OVOL2: variants seen among roughly 807,000 people sequenced by gnomAD.
The protein encoded by OVOL2 is ovo like zinc finger 2, also known as transcription factor Ovo-like 2.
In OVOL2, 13 loss-of-function variants were observed where a neutral mutation model predicts 18.1. That is an observed-to-expected ratio of 0.72 (90% CI 0.47 to 1.14). The LOEUF (loss-of-function observed/expected upper bound fraction) is 1.14, where lower values mean the gene tolerates loss of function less well. OVOL2 is among the 50% of genes most tolerant of loss of function. The pLI, the probability that OVOL2 is intolerant of heterozygous loss-of-function variation, is 0.00. For synonymous variants in OVOL2, 166 were observed against 162.7 expected, an observed-to-expected ratio of 1.02 and a Z score of -0.16; for missense variants, 335 against 383.0, an observed-to-expected ratio of 0.87 and a Z score of 1.05.
chr20:18,057,777 G>T lies in OVOL2; in HGVS notation c.-143C>A. On this transcript the variant is annotated 5_prime_UTR_variant, in exon 1 of 4. Coordinates refer to ENST00000278780, the MANE Select transcript of OVOL2 (RefSeq NM_021220.4). This position sits in a 1 kb window ranked among gnomAD's most constrained non-coding sequence, Gnocchi z 6.3. ...GCCCTCTTCCTCCACCCCCCGCCGCGGCGCGGCCCAGGCCTCTCCCCCGCA... is the reference window on the plus strand; with the variant it reads ...GCCCTCTTCCTCCACCCCCCGCCGCTGCGCGGCCCAGGCCTCTCCCCCGCA... 3.6e-6 allele frequency: 5 copies of T among 1,406,186 alleles called. No homozygotes were observed. Among genetic ancestry groups the T allele is most frequent in the Non-Finnish European group, 4.6e-6 (5 of 1,088,504 alleles). 87.1% of individuals were successfully genotyped at this position (1,406,186 alleles called of 1,614,324 possible).
rs2281543 is a variant in OVOL2 at position 18,024,956 on chromosome 20, A to C, written c.512-4T>G. ...TTGCATTTGTAGGGACGAATGCCTG[A>C]AAGGATGAGGGACAGACACAGCATC... On this transcript the variant is annotated splice_region_variant and splice_polypyrimidine_tract_variant and intron_variant, in intron 3 of 3. Coordinates refer to ENST00000278780, the MANE Select transcript of OVOL2 (RefSeq NM_021220.4). The C allele has an allele frequency of 0.64, 1,021,670 of 1,605,338 alleles. 325,933 individuals carry two copies. Among genetic ancestry groups the C allele is most frequent in the East Asian group, 0.72 (32,242 of 44,638 alleles).
upstream of OVOL2, chr20:18,057,919 G>T: frequency 7.9e-7 from 1 of 1,273,482 alleles, no homozygotes; most frequent in Non-Finnish European, 9.9e-7. This position sits in a 1 kb window ranked among gnomAD's most constrained non-coding sequence, Gnocchi z 6.3. Flanking sequence ...GGAAACTTGG[G>T]ACTGAGCATG....
intron 3 of OVOL2, among the ~76,000 whole-genome samples, chr20:18,036,096 C>A (rs147617102): frequency 0.011 from 1,627 of 152,070 alleles, 28 homozygotes; most frequent in African/African-American, 0.037. Flanking sequence ...GAGTTCGAAA[C>A]CAGCCTGACC....
chr20:18,056,577 G>T lies in OVOL2; in HGVS notation c.321+80C>A. 4 of 1,269,128 alleles carry T rather than the reference G, an allele frequency of 3.2e-6. No homozygotes were observed. Among genetic ancestry groups the T allele is most frequent in the Non-Finnish European group, 4.0e-6 (4 of 1,005,742 alleles). 78.6% of individuals were successfully genotyped at this position (1,269,128 alleles called of 1,614,324 possible). A position where few individuals can be genotyped will look rare whatever the true frequency, so the allele number is the denominator to read the frequency against. ...GGTGCCGGGTTGCGCAGGCGGGCGCGGCAGGGAGGGGCGCCGGCCTCGGGA... is the reference window on the plus strand; with the variant it reads ...GGTGCCGGGTTGCGCAGGCGGGCGCTGCAGGGAGGGGCGCCGGCCTCGGGA... On this transcript the variant is annotated intron_variant, in intron 2 of 3. Coordinates refer to ENST00000278780, the MANE Select transcript of OVOL2 (RefSeq NM_021220.4). This position sits in a 1 kb window ranked among gnomAD's most constrained non-coding sequence, Gnocchi z 4.2.
At chr20:18,030,254 A>C (rs6080944) in intron 3 of OVOL2, among the ~76,000 whole-genome samples, 50,422 of 152,156 alleles carry the variant, frequency 0.33, 8,854 homozygotes, top group South Asian at 0.43. Context: ...GCTGGCTCCC[A>C]CTACCCAGTA....
intron 2 of OVOL2, among the ~76,000 whole-genome samples, chr20:18,050,192 G>A (rs1464848097): frequency 1.3e-5 from 2 of 152,314 alleles, no homozygotes; most frequent in African/African-American, 2.4e-5. Context: ...TGAAAACTAC[G>A]CTTCCCTGAC....
chr20:18,033,225 T>C (rs1442034485), intron 3 of OVOL2, among the ~76,000 whole-genome samples: 2 of 152,186 alleles, frequency 1.3e-5, no homozygotes, highest in African/African-American at 4.8e-5. Flanking sequence ...TCCCTCTGAA[T>C]GTAGGCCCCG....
chr20:18,034,651 T>TCTCTCTCACA lies in OVOL2; in HGVS notation c.511+6882_511+6883insTGTGAGAGAG, dbSNP rs773350112. Among the ~76,000 whole-genome samples, 431 of 145,670 alleles carry TCTCTCTCACA rather than the reference T, an allele frequency of 3.0e-3. 5 individuals carry two copies. The highest frequency in any genetic ancestry group is 0.011 in the African/African-American group (424 of 38,318). ...TTCTCTCTCTCTCTCTCTCTCTCTC[T>TCTCTCTCACA]CACACACACACACACACACACCCCT... On this transcript the variant is annotated intron_variant, in intron 3 of 3. Coordinates refer to ENST00000278780, the MANE Select transcript of OVOL2 (RefSeq NM_021220.4).
chr20:18,027,659 C>T (rs2122687415), intron 3 of OVOL2, among the ~76,000 whole-genome samples: 1 of 151,848 alleles, frequency 6.6e-6, no homozygotes, highest in East Asian at 1.9e-4. Context: ...GCAGTGGCAC[C>T]ATCTCGGCTC....
chr20:18,057,470 G>T lies in OVOL2; in HGVS notation c.100+65C>A. On this transcript the variant is annotated intron_variant, in intron 1 of 3. Transcript: ENST00000278780. The surrounding 1 kb of genome is among the most constrained non-coding windows in gnomAD (Gnocchi z 6.3). ...CCCGCCCCTGCCGATGAGCAGAGAA[G>T]ACCCGCCACCCCTTCCCCCACCCCG... The T allele has an allele frequency of 6.6e-7, 1 of 1,514,354 alleles. No homozygotes were observed. Among genetic ancestry groups the T allele is most frequent in the South Asian group, 1.2e-5 (1 of 82,672 alleles). 93.8% of individuals were successfully genotyped at this position (1,514,354 alleles called of 1,614,324 possible).
intron 3 of OVOL2, among the ~76,000 whole-genome samples, chr20:18,038,814 C>T (rs2036643077): frequency 6.6e-6 from 1 of 152,024 alleles, no homozygotes; most frequent in Non-Finnish European, 1.5e-5. Flanking sequence ...CAGGAGTGGT[C>T]CTGATTTCCT....
rs116636535 is a variant in OVOL2, at chr20:18,034,048, T to C, written c.511+7486A>G. ...GCTGGTCAGCAGGCAGAATTTCCCA[T>C]GTTGTCCTCAGTGATCCTGTCAACT... On this transcript the variant is annotated intron_variant, in intron 3 of 3. Transcript: ENST00000278780. Among the ~76,000 whole-genome samples the C allele has an allele frequency of 3.5e-3, 529 of 152,276 alleles. 5 individuals carry two copies. Among genetic ancestry groups the C allele is most frequent in the African/African-American group, 0.012 (519 of 41,564 alleles).
chr20:18,048,806 G>A (rs2036746731), intron 2 of OVOL2, among the ~76,000 whole-genome samples: 1 of 152,168 alleles, frequency 6.6e-6, no homozygotes, highest in Non-Finnish European at 1.5e-5. Context: ...CTGAGCTGAT[G>A]TAAAAATATG....
At chr20:18,042,249 G>A (rs2036678694) in intron 2 of OVOL2, among the ~76,000 whole-genome samples, 1 of 151,966 alleles carries the variant, frequency 6.6e-6, no homozygotes, top group African/African-American at 2.4e-5. Flanking sequence ...TTCTTCCTTA[G>A]AACAAACCTC....
chr20:18,049,551 T>TCC (rs11472784), intron 2 of OVOL2, among the ~76,000 whole-genome samples: 29,978 of 149,052 alleles, frequency 0.2, 3,229 homozygotes, highest in Non-Finnish European at 0.25. Flanking sequence ...GCATTCAGAT[T>TCC]CCCCCCCCGA....
At position 18,057,702 on chromosome 20, in the gene OVOL2, G is replaced by A. The variant is rs929458482; in HGVS notation, c.-68C>T. Reference sequence around the variant, plus strand: ...GCTCCCCGCTAGGGGCAACGGCGGCGGCTCCGTCCCCGGCTCCCGGCGGCC... The same window carrying A: ...GCTCCCCGCTAGGGGCAACGGCGGCAGCTCCGTCCCCGGCTCCCGGCGGCC... On this transcript the variant is annotated 5_prime_UTR_variant, in exon 1 of 4. Transcript: ENST00000278780. This position sits in a 1 kb window ranked among gnomAD's most constrained non-coding sequence, Gnocchi z 6.3. 7.4e-6 allele frequency: 11 copies of A among 1,483,208 alleles called. No homozygotes were observed. Among genetic ancestry groups the A allele is most frequent in the Non-Finnish European group, 9.8e-6 (11 of 1,117,098 alleles). The allele number at this position is 1,483,208 out of a possible 1,614,324, so 91.9% of individuals were successfully genotyped here.
Position 18,048,056 on chromosome 20 carries a change from G to T in OVOL2, c.322-6333C>A, listed in dbSNP as rs1033099203. ...TAATCCCAGCACTTTGGGAGGCTGA[G>T]GGGGCAGATCACCTGAGGTCAGGAG... On this transcript the variant is annotated intron_variant, in intron 2 of 3. Transcript: ENST00000278780. Among the ~76,000 whole-genome samples the T allele has an allele frequency of 2.0e-5, 3 of 151,866 alleles. No individual in the cohort carries two copies. The East Asian group carries it at 5.9e-4, about 30-fold the overall frequency.
In OVOL2 at chr20:18,041,818, C is replaced by T. The variant is rs530548177; in HGVS notation, c.322-95G>A. ...CCACCTCCCTGTGTCTTGAGGCTGC[C>T]CTGTCTGCGGCTTCTGCCCCTAAAA... On this transcript the variant is annotated intron_variant, in intron 2 of 3. Coordinates refer to ENST00000278780, the MANE Select transcript of OVOL2 (RefSeq NM_021220.4). 1.5e-4 allele frequency: 183 copies of T among 1,186,516 alleles called. No individual in the cohort carries two copies. In the Admixed American group the frequency reaches 2.1e-3, roughly 14 times the overall value. 73.5% of individuals were successfully genotyped at this position (1,186,516 alleles called of 1,614,324 possible).
At position 18,056,076 on chromosome 20, in the gene OVOL2, T is replaced by C. The variant is rs1006940453; in HGVS notation, c.321+581A>G. ...TTTTACCCATCAATTTAATTCAAGATTGGAAAGATGACAGATCTAAAGTGC... is the reference window on the plus strand; with the variant it reads ...TTTTACCCATCAATTTAATTCAAGACTGGAAAGATGACAGATCTAAAGTGC... On this transcript the variant is annotated intron_variant, in intron 2 of 3. Transcript: ENST00000278780. This position sits in a 1 kb window ranked among gnomAD's most constrained non-coding sequence, Gnocchi z 4.2. Among the ~76,000 whole-genome samples, 91 of 152,220 alleles carry C rather than the reference T, an allele frequency of 6.0e-4. 1 individual carries two copies. The highest frequency in any genetic ancestry group is 2.1e-3 in the African/African-American group (89 of 41,544).
Sources: allele counts gnomAD v4.1 joint callset (sites outside exome capture counted in the v4.1 genomes callset), GRCh38; gene constraint gnomAD v4.1.1; non-coding constraint Gnocchi (gnomAD v3.1); transcripts MANE v1.5; gene names NCBI Gene and HGNC (gene_info 2026-07-23, HGNC 2026-07-21).